The following MAMDC2 variants were observed in gnomAD, a reference collection of about 807,000 sequenced individuals.
MAMDC2 encodes MAM domain containing 2, also known as MAM domain-containing protein 2.
A neutral mutation model predicts 89.8 loss-of-function variants in MAMDC2; 57 were observed. The observed-to-expected ratio is 0.63, with a 90% confidence interval of 0.51 to 0.79. The LOEUF is 0.79. Among genes scored for constraint, MAMDC2 ranks in the 30% least tolerant of loss-of-function variants. The pLI is 0.00. For missense variants in MAMDC2, 800 were observed against 820.6 expected, an observed-to-expected ratio of 0.97 and a Z score of 0.31; for synonymous variants, 313 against 293.4, an observed-to-expected ratio of 1.07 and a Z score of -0.68.
chr9:70,146,107 G>A (rs1478868664), intron 9 of MAMDC2, among the ~76,000 whole-genome samples: 1 of 152,178 alleles, frequency 6.6e-6, no homozygotes, highest in Non-Finnish European at 1.5e-5. Context: ...TTAACAACAT[G>A]AGTTGTTTAG....
Position 70,046,508 on chromosome 9 carries a change from G to A in MAMDC2, c.148+1811G>A, listed in dbSNP as rs551756073. On this transcript the variant is annotated intron_variant, in intron 2 of 13. Coordinates refer to ENST00000377182, the MANE Select transcript of MAMDC2 (RefSeq NM_153267.5). ...AGTTAGTCTCTGAGTTCCTGCCTCC[G>A]GCCCTCTGTCAGGATGGGGGCCCCC... Among the ~76,000 whole-genome samples the A allele has an allele frequency of 5.9e-4, 90 of 152,264 alleles. No homozygotes were observed. In the South Asian group the frequency reaches 0.018, roughly 31 times the overall value.
At chr9:70,084,569 A>C (rs1455772152) in intron 2 of MAMDC2, among the ~76,000 whole-genome samples, 1 of 151,906 alleles carries the variant, frequency 6.6e-6, no homozygotes, top group Non-Finnish European at 1.5e-5. Flanking sequence ...CTCCACTAAC[A>C]ATGTCTTTAT....
chr9:70,198,662 C>A (rs2033027833), intron 11 of MAMDC2, among the ~76,000 whole-genome samples: 1 of 152,092 alleles, frequency 6.6e-6, no homozygotes, highest in South Asian at 2.1e-4. Flanking sequence ...GAGAAAGAAA[C>A]ACCAGCACTT....
chr9:70,148,613 G>T (rs1321047193), intron 9 of MAMDC2, among the ~76,000 whole-genome samples: 1 of 150,214 alleles, frequency 6.7e-6, no homozygotes, highest in East Asian at 1.9e-4. Flanking sequence ...ACCTAGGGAG[G>T]GCCAGGCATG....
intron 9 of MAMDC2, among the ~76,000 whole-genome samples, chr9:70,152,758 T>A (rs553368355): frequency 6.6e-6 from 1 of 152,220 alleles, no homozygotes; most frequent in Non-Finnish European, 1.5e-5. Flanking sequence ...GAGCTAGTTA[T>A]GTAACCTTCC....
chr9:70,159,536 A>G (rs4744985), intron 9 of MAMDC2, among the ~76,000 whole-genome samples: 140,501 of 152,252 alleles, frequency 0.92, 64,900 homozygotes, highest in East Asian at 0.98. Context: ...CTTATTAGCA[A>G]AGGATTGCTA....
At chr9:70,055,687 G>A (rs1827010905) in intron 2 of MAMDC2, among the ~76,000 whole-genome samples, 1 of 152,204 alleles carries the variant, frequency 6.6e-6, no homozygotes, top group Admixed American at 6.5e-5. Flanking sequence ...ACAGAGAAAT[G>A]TAGTTTTTAC....
chr9:70,068,990 C>G (rs1827335949), intron 2 of MAMDC2, among the ~76,000 whole-genome samples: 1 of 152,082 alleles, frequency 6.6e-6, no homozygotes, highest in Non-Finnish European at 1.5e-5. Flanking sequence ...AAAATTTATT[C>G]CAATGAAAGA....
intron 7 of MAMDC2, among the ~76,000 whole-genome samples, chr9:70,139,156 A>G (rs1052696463): frequency 2.0e-5 from 3 of 150,804 alleles, no homozygotes; most frequent in East Asian, 1.9e-4. Context: ...GTTTTAGGGT[A>G]CATGTGCACA....
chr9:70,123,997 A>C (rs2030407117), intron 5 of MAMDC2, among the ~76,000 whole-genome samples: 1 of 152,174 alleles, frequency 6.6e-6, no homozygotes, highest in Non-Finnish European at 1.5e-5. Context: ...AGCCCTAGCA[A>C]ACCACACAGG....
At chr9:70,211,421 C>G (rs2033351846) in intron 11 of MAMDC2, among the ~76,000 whole-genome samples, 1 of 152,222 alleles carries the variant, frequency 6.6e-6, no homozygotes, top group Non-Finnish European at 1.5e-5. Context: ...ATCGAATCAG[C>G]TACTGAAGCT....
intron 5 of MAMDC2, among the ~76,000 whole-genome samples, chr9:70,121,391 A>G (rs1302668692): frequency 6.6e-6 from 1 of 152,180 alleles, no homozygotes; most frequent in African/African-American, 2.4e-5. Flanking sequence ...CTTTCTTTCA[A>G]CTGAATTTGA....
At chr9:70,137,888 T>C (rs2031066189) in intron 7 of MAMDC2, among the ~76,000 whole-genome samples, 2 of 152,144 alleles carry the variant, frequency 1.3e-5, no homozygotes. Flanking sequence ...GGATTAAAAG[T>C]TATTCTCAAA....
intron 9 of MAMDC2, chr9:70,153,527 G>A (rs1425027744): frequency 6.6e-6 from 1 of 152,214 alleles, no homozygotes; most frequent in Admixed American, 6.5e-5. Flanking sequence ...TCAGTGGTCT[G>A]TTAATTAGAA....
intron 2 of MAMDC2, chr9:70,093,895 A>G (rs1350773713): frequency 6.6e-5 from 10 of 152,212 alleles, no homozygotes; most frequent in Admixed American, 6.5e-4. Flanking sequence ...TACCATATAA[A>G]GTGAAGCTCC....
intron 2 of MAMDC2, among the ~76,000 whole-genome samples, chr9:70,047,681 T>G (rs1255140355): frequency 6.6e-6 from 1 of 152,214 alleles, no homozygotes; most frequent in Non-Finnish European, 1.5e-5. Context: ...GATGCACTTC[T>G]TATATGTCCA....
chr9:70,154,458 TAAA>T (rs1181282799), intron 9 of MAMDC2, among the ~76,000 whole-genome samples: 1 of 151,962 alleles, frequency 6.6e-6, no homozygotes, highest in Non-Finnish European at 1.5e-5. Context: ...TGTGAATACT[TAAA>T]ACCAGGAATA....
chr9:70,132,335 G>C (rs2030842130), intron 7 of MAMDC2, among the ~76,000 whole-genome samples: 1 of 152,110 alleles, frequency 6.6e-6, no homozygotes, highest in Non-Finnish European at 1.5e-5. Flanking sequence ...TGACCTTACT[G>C]TTTAGTGAAT....
In MAMDC2 at chr9:70,047,414, C is replaced by T. The variant is rs532644915; in HGVS notation, c.148+2717C>T. On this transcript the variant is annotated intron_variant, in intron 2 of 13. Coordinates refer to ENST00000377182, the MANE Select transcript of MAMDC2 (RefSeq NM_153267.5). ...TCCCCTCCTTGTGTCCGTGTGTTCT[C>T]ATTGTTCAACTCCCACTTATGAGTG... Among the ~76,000 whole-genome samples, 6 of 152,168 alleles carry T rather than the reference C, an allele frequency of 3.9e-5. No individual in the cohort carries two copies. In the East Asian group the frequency reaches 9.7e-4, roughly 25 times the overall value.
Sources: allele counts gnomAD v4.1 joint callset (sites outside exome capture counted in the v4.1 genomes callset), GRCh38; gene constraint gnomAD v4.1.1; transcripts MANE v1.5; gene names NCBI Gene and HGNC (gene_info 2026-07-23, HGNC 2026-07-21).